Variants in SNTG1 observed in about 807,000 individuals in gnomAD.
The protein encoded by SNTG1 is gamma-1-syntrophin.
A neutral mutation model predicts 74.7 loss-of-function variants in SNTG1; 39 were observed. That is an observed-to-expected ratio of 0.52 (90% CI 0.40 to 0.68). SNTG1 has a LOEUF of 0.68. Ranked by LOEUF, SNTG1 falls within the 30% of genes least tolerant of loss-of-function variation. The probability of loss-of-function intolerance (pLI) is 0.00; values close to 1 mark genes in which losing one functional copy is unlikely to be tolerated. For synonymous variants in SNTG1, 254 were observed against 217.1 expected (o/e 1.17, Z -1.49); for missense variants, 685 against 609.5 (o/e 1.12, Z -1.30).
Position 50,336,960 on chromosome 8 carries a change from T to C in SNTG1, c.-27-57252T>C, listed in dbSNP as rs567724446. Among the ~76,000 whole-genome samples the C allele has an allele frequency of 2.0e-5, 3 of 152,350 alleles. No homozygotes were observed. The East Asian group carries it at 5.8e-4, about 29-fold the overall frequency. On this transcript the variant is annotated intron_variant, in intron 2 of 18. Transcript: ENST00000642720. Reference sequence around the variant, plus strand: ...CAGCATTATTAAAGAAAATAACTTTTTATTTCTATATATTATGTGTCAGAC... The same window carrying C: ...CAGCATTATTAAAGAAAATAACTTTCTATTTCTATATATTATGTGTCAGAC...
intron 17 of SNTG1, among the ~76,000 whole-genome samples, chr8:50,722,016 G>T (rs1426920431): frequency 2.0e-5 from 3 of 151,854 alleles, no homozygotes; most frequent in Non-Finnish European, 4.4e-5. Flanking sequence ...CATATTATAT[G>T]CCTCATTCTC....
intron 16 of SNTG1, among the ~76,000 whole-genome samples, chr8:50,707,065 T>G (rs1226029951): frequency 6.6e-6 from 1 of 152,036 alleles, no homozygotes; most frequent in Non-Finnish European, 1.5e-5. Flanking sequence ...GATATGCTAT[T>G]AATATTATAA....
At chr8:50,781,351 AGGTC>A (rs2095658845) in intron 18 of SNTG1, among the ~76,000 whole-genome samples, 1 of 152,104 alleles carries the variant, frequency 6.6e-6, no homozygotes, top group East Asian at 1.9e-4. Context: ...GTCTCTTTGT[AGGTC>A]ACTCAGGACT....
In SNTG1 at chr8:50,109,650, C is replaced by T. The variant is rs112402174; in HGVS notation, c.-102-62911C>T. On this transcript the variant is annotated intron_variant, in intron 1 of 18. Coordinates refer to ENST00000642720, the MANE Select transcript of SNTG1 (RefSeq NM_018967.5). Reference sequence around the variant, plus strand: ...GAGTGGTCTCATTCAACAGGAAGTCCAGGTGTTATCAGGAAGGGGGAGATC... The same window carrying T: ...GAGTGGTCTCATTCAACAGGAAGTCTAGGTGTTATCAGGAAGGGGGAGATC... 8.5e-5 allele frequency among the ~76,000 whole-genome samples: 13 copies of T among 152,186 alleles called. 1 individual carries two copies. Among genetic ancestry groups the T allele is most frequent in the African/African-American group, 2.4e-4 (10 of 41,534 alleles).
intron 2 of SNTG1, among the ~76,000 whole-genome samples, chr8:50,303,437 A>T (rs914972468): frequency 4.6e-5 from 7 of 152,014 alleles, no homozygotes; most frequent in African/African-American, 1.4e-4. Context: ...ATATTCATAG[A>T]TACTTAATAT....
intron 1 of SNTG1, among the ~76,000 whole-genome samples, chr8:50,047,297 C>T (rs1409056491): frequency 6.6e-6 from 1 of 151,886 alleles, no homozygotes; most frequent in Non-Finnish European, 1.5e-5. Context: ...CATGATGGTG[C>T]CACCATGCTC....
At chr8:50,252,784 A>C (rs186808320) in intron 2 of SNTG1, among the ~76,000 whole-genome samples, 2 of 152,326 alleles carry the variant, frequency 1.3e-5, no homozygotes, top group East Asian at 3.9e-4. Context: ...CCATGACTCA[A>C]ACACCTCCCA....
At chr8:50,782,474 C>T (rs1364003507) in intron 18 of SNTG1, among the ~76,000 whole-genome samples, 1 of 152,190 alleles carries the variant, frequency 6.6e-6, no homozygotes, top group Admixed American at 6.5e-5. Flanking sequence ...ATCACTGATA[C>T]TCTTTCTTCC....
At chr8:49,982,921 A>T (rs1563429449) in intron 1 of SNTG1, among the ~76,000 whole-genome samples, 1 of 152,196 alleles carries the variant, frequency 6.6e-6, no homozygotes, top group Non-Finnish European at 1.5e-5. Context: ...AATTCAATTG[A>T]GTTGTAAAGT....
chr8:50,731,497 G>A (rs996771030), intron 17 of SNTG1, among the ~76,000 whole-genome samples: 8 of 151,916 alleles, frequency 5.3e-5, no homozygotes, highest in Non-Finnish European at 8.8e-5. Context: ...AGCTTTTGAC[G>A]CCAAAAATTC....
Position 50,687,931 on chromosome 8 carries a change from T to C in SNTG1, c.1039-16669T>C, listed in dbSNP as rs528947160. Among the ~76,000 whole-genome samples the C allele has an allele frequency of 3.1e-3, 474 of 152,340 alleles. 3 individuals carry two copies. Among genetic ancestry groups the C allele is most frequent in the African/African-American group, 0.011 (458 of 41,570 alleles). On this transcript the variant is annotated intron_variant, in intron 15 of 18. Coordinates refer to ENST00000642720, the MANE Select transcript of SNTG1 (RefSeq NM_018967.5). ...CTCCAGCACCTGTTGTTTCCTGACT[T>C]TTTAATGATCGCCATTCTCACTGGT...
At chr8:50,562,036 T>C (rs1484030029) in intron 12 of SNTG1, among the ~76,000 whole-genome samples, 1 of 152,220 alleles carries the variant, frequency 6.6e-6, no homozygotes, top group Non-Finnish European at 1.5e-5. Context: ...TCATACATTT[T>C]AAAGACTCCT....
intron 1 of SNTG1, among the ~76,000 whole-genome samples, chr8:49,913,832 T>A (rs1805784950): frequency 6.6e-6 from 1 of 152,190 alleles, no homozygotes; most frequent in African/African-American, 2.4e-5. Flanking sequence ...ACTCCCCTAG[T>A]CAGTAGGGCA....
intron 18 of SNTG1, among the ~76,000 whole-genome samples, chr8:50,753,501 A>G (rs915702164): frequency 1.3e-5 from 2 of 151,972 alleles, no homozygotes; most frequent in Non-Finnish European, 2.9e-5. Context: ...TTACCCCAAC[A>G]CTTTTTAATG....
intron 3 of SNTG1, among the ~76,000 whole-genome samples, chr8:50,399,807 C>A (rs569884973): frequency 6.6e-6 from 1 of 152,214 alleles, no homozygotes; most frequent in South Asian, 2.1e-4. Flanking sequence ...AAAGTACAAT[C>A]TGCTTGTGCT....
At chr8:50,753,324 T>C (rs906911311) in intron 18 of SNTG1, among the ~76,000 whole-genome samples, 1 of 151,908 alleles carries the variant, frequency 6.6e-6, no homozygotes. Flanking sequence ...TCTTGTCAAA[T>C]TTTTTTTACC....
chr8:50,552,939 A>G, intron 11 of SNTG1, 111 bp from the exon 12 acceptor site: 1 of 1,282,000 alleles, frequency 7.8e-7, no homozygotes, highest in Non-Finnish European at 1.1e-6. Flanking sequence ...ATGAATTTGG[A>G]GGCTGATATT....
At chr8:50,493,546 A>G (rs1235124939) in intron 8 of SNTG1, among the ~76,000 whole-genome samples, 3 of 152,124 alleles carry the variant, frequency 2.0e-5, no homozygotes, top group Non-Finnish European at 4.4e-5. Context: ...GCACCTTCCT[A>G]ATACGCTTTA....
chr8:50,713,517 T>C (rs989922160), intron 17 of SNTG1, among the ~76,000 whole-genome samples: 1 of 152,212 alleles, frequency 6.6e-6, no homozygotes, highest in Non-Finnish European at 1.5e-5. Context: ...TGAGATCCCA[T>C]TTGTCAAGCT....
Sources: allele counts gnomAD v4.1 joint callset (sites outside exome capture counted in the v4.1 genomes callset), GRCh38; gene constraint gnomAD v4.1.1; transcripts MANE v1.5; gene names NCBI Gene and HGNC (gene_info 2026-07-23, HGNC 2026-07-21).